ADGRL2: variants seen among roughly 807,000 people sequenced by gnomAD.
ADGRL2 encodes calcium-independent alpha-latrotoxin receptor 2.
In ADGRL2, 44 loss-of-function variants were observed where a neutral mutation model predicts 157.4. The observed-to-expected ratio is 0.28, with a 90% CI of 0.22 to 0.36. The LOEUF (loss-of-function observed/expected upper bound fraction) is 0.36, where lower values mean the gene tolerates loss of function less well. Ranked by LOEUF, ADGRL2 falls within the 10% of genes least tolerant of loss-of-function variation. The pLI is 1.00. For missense variants in ADGRL2, 1,510 were observed against 1,768.9 expected, an observed-to-expected ratio of 0.85 and a Z score of 2.63; for synonymous variants, 585 against 624.7, an observed-to-expected ratio of 0.94 and a Z score of 0.95.
chr1:81,542,765 G>T (rs2079916051), intron 2 of ADGRL2, among the ~76,000 whole-genome samples: 1 of 152,142 alleles, frequency 6.6e-6, no homozygotes, highest in Admixed American at 6.5e-5. Context: ...GAGTACTTCA[G>T]AGCTCAATAG....
intron 3 of ADGRL2, among the ~76,000 whole-genome samples, chr1:81,663,919 T>A (rs1176763744): frequency 1.3e-5 from 2 of 152,172 alleles, no homozygotes; most frequent in Non-Finnish European, 2.9e-5. Flanking sequence ...CTGTTTAGTA[T>A]GGTTTATATT....
chr1:81,882,750 G>T (rs1475702567), intron 2 of ADGRL2, among the ~76,000 whole-genome samples: 1 of 152,114 alleles, frequency 6.6e-6, no homozygotes, highest in African/African-American at 2.4e-5. Context: ...AATTTTATGT[G>T]GGGCTTTATT....
chr1:81,312,500 A>G (rs1659825003), intron 1 of ADGRL2, among the ~76,000 whole-genome samples: 1 of 152,242 alleles, frequency 6.6e-6, no homozygotes, highest in Admixed American at 6.5e-5. Context: ...GCCAGGGCCC[A>G]GGGGAAAGGT....
At chr1:81,989,821 T>A in intron 23 of ADGRL2, 1 of 1,435,282 alleles carries the variant, frequency 7.0e-7, no homozygotes, top group Non-Finnish European at 9.1e-7. Flanking sequence ...TTTGTATCTG[T>A]CCATGTTTTC....
intron 1 of ADGRL2, among the ~76,000 whole-genome samples, chr1:81,439,100 A>G (rs1432275538): frequency 6.6e-6 from 1 of 152,208 alleles, no homozygotes; most frequent in Non-Finnish European, 1.5e-5. Flanking sequence ...TATATTGCAC[A>G]TAGTTGTTTG....
intron 3 of ADGRL2, among the ~76,000 whole-genome samples, chr1:81,919,615 C>A (rs2148572516): frequency 6.6e-6 from 1 of 151,522 alleles, no homozygotes; most frequent in Admixed American, 6.6e-5. Flanking sequence ...AGAATGTATG[C>A]TGATTTTTTA....
At chr1:81,913,516 A>G (rs575647461) in intron 3 of ADGRL2, among the ~76,000 whole-genome samples, 2 of 152,302 alleles carry the variant, frequency 1.3e-5, no homozygotes, top group Admixed American at 6.5e-5. Context: ...GAGGCAAGCC[A>G]TATAAATAGG....
chr1:81,584,163 C>T (rs1312364881), intron 3 of ADGRL2, among the ~76,000 whole-genome samples: 1 of 152,094 alleles, frequency 6.6e-6, no homozygotes, highest in Non-Finnish European at 1.5e-5. Flanking sequence ...CAAACAGGGC[C>T]TAATAAACTA....
At chr1:81,963,313 G>A (rs982432598) in intron 11 of ADGRL2, among the ~76,000 whole-genome samples, 3 of 151,836 alleles carry the variant, frequency 2.0e-5, no homozygotes, top group African/African-American at 4.8e-5. Context: ...AACGTCCCTC[G>A]TTATTACTAT....
chr1:81,606,525 A>C (rs538630697), intron 3 of ADGRL2, among the ~76,000 whole-genome samples: 7 of 151,840 alleles, frequency 4.6e-5, no homozygotes, highest in Admixed American at 3.9e-4. Context: ...ACACACTCAC[A>C]CTACACTTTA....
chr1:81,907,082 A>G lies in ADGRL2; in HGVS notation c.139A>G (p.Ile47Val). The change falls in exon 3 of 24, where the codon ATA (isoleucine) becomes GTA (valine). Residue 47 changes from isoleucine (I) to valine (V), a missense_variant. Physicochemically the swap from Ile to Val is conservative, Grantham distance 29. Around this residue, in one of 4 missense-constraint regions of ADGRL2, gnomAD observed 361 missense variants for 498.4 expected, o/e 0.72. Transcript: ENST00000686636. Reference protein sequence around the residue: ...RRELSCEGYSIDLRCPGSDVI... With the variant: ...RRELSCEGYSVDLRCPGSDVI... ...AGAATTATCCTGTGAAGGTTATTCT[A>G]TAGATCTGCGATGCCCGGGCAGTGA... 6.2e-7 allele frequency: 1 copy of G among 1,614,128 alleles called. No individual in the cohort carries two copies. The highest frequency in any genetic ancestry group is 8.5e-7 in the Non-Finnish European group (1 of 1,179,996).
At chr1:81,730,676 T>C (rs1330524389) in intron 1 of ADGRL2, among the ~76,000 whole-genome samples, 2 of 151,954 alleles carry the variant, frequency 1.3e-5, no homozygotes, top group Non-Finnish European at 2.9e-5. Context: ...TGAACCGAGA[T>C]TGTGCCACTG....
At chr1:81,975,203 TACC>T (rs1323275624) in intron 17 of ADGRL2, among the ~76,000 whole-genome samples, 1 of 152,082 alleles carries the variant, frequency 6.6e-6, no homozygotes, top group African/African-American at 2.4e-5. Flanking sequence ...CATATGTATG[TACC>T]ACAATCCTAA....
At chr1:81,628,140 G>A (rs2081946316) in intron 3 of ADGRL2, among the ~76,000 whole-genome samples, 1 of 152,120 alleles carries the variant, frequency 6.6e-6, no homozygotes, top group Non-Finnish European at 1.5e-5. Context: ...AAGTCATTGA[G>A]ATCTAAGCTT....
At chr1:81,777,336 A>AT (rs1557642662) in intron 2 of ADGRL2, among the ~76,000 whole-genome samples, 1 of 152,068 alleles carries the variant, frequency 6.6e-6, no homozygotes, top group Non-Finnish European at 1.5e-5. Flanking sequence ...AAAGTTCCTC[A>AT]TTTTTTCCCC....
At chr1:81,478,788 T>A (rs1272575106) in intron 2 of ADGRL2, among the ~76,000 whole-genome samples, 1 of 152,218 alleles carries the variant, frequency 6.6e-6, no homozygotes, top group East Asian at 1.9e-4. Flanking sequence ...GTGATGCTTG[T>A]TGATCAGTGT....
intron 3 of ADGRL2, among the ~76,000 whole-genome samples, chr1:81,666,801 A>T (rs891871045): frequency 1.4e-4 from 22 of 152,222 alleles, no homozygotes; most frequent in African/African-American, 5.1e-4. Context: ...AAGGGCTGTG[A>T]CTAACCATTG....
At chr1:81,589,645 A>T (rs920966929) in intron 3 of ADGRL2, among the ~76,000 whole-genome samples, 1 of 152,118 alleles carries the variant, frequency 6.6e-6, no homozygotes, top group Non-Finnish European at 1.5e-5. Flanking sequence ...GAGGACCTTC[A>T]CCTATGTATC....
At chr1:81,810,237 C>G (rs1004852377) in intron 1 of ADGRL2, among the ~76,000 whole-genome samples, 8 of 151,880 alleles carry the variant, frequency 5.3e-5, no homozygotes, top group African/African-American at 1.7e-4. Flanking sequence ...CAAACCATTA[C>G]AAGATTTTAG....
Sources: allele counts gnomAD v4.1 joint callset (sites outside exome capture counted in the v4.1 genomes callset), GRCh38; gene constraint gnomAD v4.1.1; regional missense constraint gnomAD v4.1.1; transcripts MANE v1.5; gene names NCBI Gene and HGNC (gene_info 2026-07-23, HGNC 2026-07-21).